Variants in GABRR1 observed in about 807,000 individuals in gnomAD.
GABRR1 encodes the protein gamma-aminobutyric acid type A receptor subunit rho1, also known as gamma-aminobutyric acid receptor subunit rho-1.
In GABRR1, 59 loss-of-function variants were observed where a neutral mutation model predicts 55.5. That is an observed-to-expected ratio of 1.06 (90% confidence interval 0.86 to 1.32). The LOEUF (loss-of-function observed/expected upper bound fraction) is 1.32, where lower values mean the gene tolerates loss of function less well. GABRR1 is among the 40% of genes most tolerant of loss of function. GABRR1 has a pLI of 0.00. For missense variants in GABRR1, 602 were observed against 619.1 expected, an observed-to-expected ratio of 0.97 and a Z score of 0.29; for synonymous variants, 213 against 226.0, an observed-to-expected ratio of 0.94 and a Z score of 0.51.
intron 1 of GABRR1, among the ~76,000 whole-genome samples, chr6:89,230,377 T>C (rs1773264570): frequency 7.3e-6 from 1 of 136,738 alleles, no homozygotes; most frequent in Non-Finnish European, 1.6e-5. Context: ...TTCTGTTTTT[T>C]CCCCATCTTT....
At position 89,177,774 on chromosome 6, in the gene GABRR1, T is replaced by G. The variant is rs954389217; in HGVS notation, c.*996A>C. ...CTGGTATTTCGAGTATAAATGCAGATGTCCAGTGATATCTTCCCATTTATT... is the reference window on the plus strand; with the variant it reads ...CTGGTATTTCGAGTATAAATGCAGAGGTCCAGTGATATCTTCCCATTTATT... On this transcript the variant is annotated 3_prime_UTR_variant, in exon 10 of 10. Coordinates refer to ENST00000454853, the MANE Select transcript of GABRR1 (RefSeq NM_002042.5). 2 of 152,184 alleles carry G rather than the reference T, an allele frequency of 1.3e-5. No individual in the cohort carries two copies. The highest frequency in any genetic ancestry group is 2.9e-5 in the Non-Finnish European group (2 of 68,042). 9.4% of individuals were successfully genotyped at this position (152,184 alleles called of 1,614,324 possible). A position where few individuals can be genotyped will look rare whatever the true frequency, so the allele number is the denominator to read the frequency against.
chr6:89,197,956 C>T, intron 5 of GABRR1, 64 bp downstream of exon 5: 8 of 1,474,738 alleles, frequency 5.4e-6, no homozygotes, highest in Non-Finnish European at 7.6e-6. Flanking sequence ...GCCAAAAACC[C>T]AAATTGCTGT....
At chr6:89,231,001 A>T (rs1333778287) in intron 1 of GABRR1, among the ~76,000 whole-genome samples, 1 of 151,544 alleles carries the variant, frequency 6.6e-6, no homozygotes, top group South Asian at 2.1e-4. Context: ...AAAGCGCAAT[A>T]TTCGGGTGGG....
At chr6:89,225,561 A>C (rs1773187789) in intron 1 of GABRR1, among the ~76,000 whole-genome samples, 1 of 132,330 alleles carries the variant, frequency 7.6e-6, no homozygotes, top group Non-Finnish European at 1.6e-5. Context: ...GATGATTTCC[A>C]ATTTCATCCA....
At chr6:89,189,901 C>G (rs1162356953) in intron 6 of GABRR1, among the ~76,000 whole-genome samples, 1 of 152,062 alleles carries the variant, frequency 6.6e-6, no homozygotes, top group Non-Finnish European at 1.5e-5. Context: ...AAAAAATTAG[C>G]CAGGCATGGT....
chr6:89,210,587 A>C (rs975856360), intron 1 of GABRR1, among the ~76,000 whole-genome samples: 1 of 152,158 alleles, frequency 6.6e-6, no homozygotes, highest in Non-Finnish European at 1.5e-5. Flanking sequence ...GGGGAGGAGC[A>C]GGTCTATTTT....
Position 89,226,714 on chromosome 6 carries a change from G to T in GABRR1, c.-411+4502C>A, listed in dbSNP as rs1235810288. On this transcript the variant is annotated intron_variant, in intron 1 of 11. Coordinates refer to the GABRR1 transcript ENST00000369451. Reference sequence around the variant, plus strand: ...CAGGTAGTGTGATGCCTCCAGCTTTGTTCTTTTGGCTTAGGATTGACTTGG... The same window carrying T: ...CAGGTAGTGTGATGCCTCCAGCTTTTTTCTTTTGGCTTAGGATTGACTTGG... Among the ~76,000 whole-genome samples, 763 of 101,336 alleles carry T rather than the reference G, an allele frequency of 7.5e-3. 5 individuals carry two copies. Among genetic ancestry groups the T allele is most frequent in the African/African-American group, 0.026 (641 of 24,870 alleles). The allele number at this position is 101,336 out of a possible 152,430, so 66.5% of individuals were successfully genotyped here.
In GABRR1 at chr6:89,198,304, T is replaced by C. The variant is rs112630527; in HGVS notation, c.349-61A>G. The C allele has an allele frequency of 2.0e-4, 246 of 1,218,820 alleles. 1 individual carries two copies. In the African/African-American group the frequency reaches 3.1e-3, roughly 15 times the overall value. The allele number at this position is 1,218,820 out of a possible 1,614,324, so 75.5% of individuals were successfully genotyped here. ...CACACAAACCCACTGAGATGTGGAT[T>C]CTGTAGCCCCTGTGGAGCCATCACT... On this transcript the variant is annotated intron_variant, in intron 4 of 9. Transcript: ENST00000454853.
At chr6:89,200,264 T>G (rs911354231) in intron 3 of GABRR1, among the ~76,000 whole-genome samples, 53 of 98,964 alleles carry the variant, frequency 5.4e-4, no homozygotes, top group Non-Finnish European at 1.0e-3. Flanking sequence ...TTTTTTTTTT[T>G]TGGAGACAGA....
intron 8 of GABRR1, 138 bp downstream of exon 8, chr6:89,181,766 TA>T: frequency 1.2e-6 from 1 of 841,026 alleles, no homozygotes; most frequent in Non-Finnish European, 1.8e-6. Context: ...TAACTATAAA[TA>T]AATAACTCTT....
intron 5 of GABRR1, among the ~76,000 whole-genome samples, chr6:89,192,715 C>T (rs952632315): frequency 6.6e-6 from 1 of 152,094 alleles, no homozygotes; most frequent in Non-Finnish European, 1.5e-5. Context: ...CATGTGCCAC[C>T]ATGCCCAGCT....
At chr6:89,209,497 G>C (rs146734695) in intron 1 of GABRR1, among the ~76,000 whole-genome samples, 35 of 152,248 alleles carry the variant, frequency 2.3e-4, no homozygotes, top group African/African-American at 7.2e-4. Context: ...ACAAAAACAG[G>C]TGTTTGTCAA....
chr6:89,187,389 C>T (rs1326064950), intron 6 of GABRR1, among the ~76,000 whole-genome samples: 1 of 152,140 alleles, frequency 6.6e-6, no homozygotes, highest in East Asian at 1.9e-4. Context: ...TACAGCCATT[C>T]TTATGGTAGG....
intron 7 of GABRR1, among the ~76,000 whole-genome samples, chr6:89,183,980 C>A (rs1287983767): frequency 6.6e-6 from 1 of 152,148 alleles, no homozygotes; most frequent in Non-Finnish European, 1.5e-5. Context: ...TGGTTCATGC[C>A]TGTAATCCCA....
At chr6:89,221,321 CAG>C (rs1163394982), upstream of GABRR1, 1 of 152,228 alleles carries the variant, frequency 6.6e-6, no homozygotes, top group African/African-American at 2.4e-5. Flanking sequence ...TGCTCCCAAA[CAG>C]GGGCTGCAGG....
rs1300412802 is a variant in GABRR1, at chr6:89,185,329, C to T, written c.777G>A (p.Leu259=). 3 of 1,613,830 alleles carry T rather than the reference C, an allele frequency of 1.9e-6. No homozygotes were observed. Among genetic ancestry groups the T allele is most frequent in the South Asian group, 1.1e-5 (1 of 91,084 alleles). ...LIQEFHTTTK[L]AFYSSTGWYN... ...ACTTACCTGTGCTGCTGTAGAAAGCCAGTTTGGTGGTGGTGTGGAATTCCT... is the reference window on the plus strand; with the variant it reads ...ACTTACCTGTGCTGCTGTAGAAAGCTAGTTTGGTGGTGGTGTGGAATTCCT... Residue 259 remains leucine (L), a synonymous_variant, in exon 7 of 10, where the codon CTG becomes CTA. Transcript: ENST00000454853.
intron 6 of GABRR1, among the ~76,000 whole-genome samples, chr6:89,189,042 C>CTG (rs71913424): frequency 0.059 from 8,664 of 147,452 alleles, 303 homozygotes; most frequent in African/African-American, 0.12. Context: ...GAACTCATGT[C>CTG]TGTGTGTGTG....
At chr6:89,222,595 G>A (rs775976785) in intron 1 of GABRR1, among the ~76,000 whole-genome samples, 15 of 152,154 alleles carry the variant, frequency 9.9e-5, no homozygotes, top group Non-Finnish European at 1.9e-4. Context: ...TTGATCTTGA[G>A]GTTTTTTAAT....
upstream of GABRR1, among the ~76,000 whole-genome samples, chr6:89,220,221 G>T (rs1190975907): frequency 2.6e-5 from 4 of 152,292 alleles, no homozygotes; most frequent in East Asian, 7.7e-4. Flanking sequence ...GGGGCCAGGA[G>T]CCTGGGCATA....
Sources: allele counts gnomAD v4.1 joint callset (sites outside exome capture counted in the v4.1 genomes callset), GRCh38; gene constraint gnomAD v4.1.1; transcripts MANE v1.5; gene names NCBI Gene and HGNC (gene_info 2026-07-23, HGNC 2026-07-21).